Variants in ASH1L observed in about 807,000 individuals in gnomAD.
ASH1L encodes histone-lysine N-methyltransferase ASH1L.
Under a neutral mutation model 269.0 loss-of-function variants are expected in ASH1L, and 23 were observed. The ratio of observed to expected loss-of-function variants is 0.09; its 90% CI spans 0.06 to 0.12. The LOEUF (loss-of-function observed/expected upper bound fraction) is 0.12. Among genes scored for constraint, ASH1L ranks in the 10% least tolerant of loss-of-function variants. The pLI is 1.00. For synonymous variants in ASH1L, 1,187 were observed against 1,253.5 expected (o/e 0.95, Z 1.12); for missense variants, 2,912 against 3,567.8 (o/e 0.82, Z 4.68).
In ASH1L at chr1:155,479,511, G is replaced by A. The variant is rs1164377352; in HGVS notation, c.3359C>T (p.Pro1120Leu). 6.2e-7 allele frequency: 1 copy of A among 1,614,036 alleles called. No individual in the cohort carries two copies. Among genetic ancestry groups the A allele is most frequent in the African/African-American group, 1.3e-5 (1 of 74,920 alleles). ...QSSGTSGGQS[P>L]VSSDAGFVEP... ...AACAAAACCTGCATCACTACTTACA[G>A]GGCTCTGACCTCCACTAGTCCCAGA... Residue 1120 changes from proline (P) to leucine (L), a missense_variant, in exon 3 of 28, where the codon CCT (proline) becomes CTT (leucine). Pro to Leu is a moderately conservative substitution (Grantham distance 98). Around this residue, in one of 13 missense-constraint regions of ASH1L, gnomAD observed 157 missense variants for 154.6 expected, o/e 1.02. Coordinates refer to ENST00000392403, the MANE Select transcript of ASH1L (RefSeq NM_018489.3).
At chr1:155,390,119 T>C (rs922246017) in intron 7 of ASH1L, among the ~76,000 whole-genome samples, 4 of 152,104 alleles carry the variant, frequency 2.6e-5, no homozygotes, top group Admixed American at 2.6e-4. Context: ...AGAATGATAT[T>C]AGGCCAGGTG....
intron 2 of ASH1L, among the ~76,000 whole-genome samples, chr1:155,485,188 G>T (rs1011822545): frequency 2.6e-5 from 4 of 151,582 alleles, no homozygotes; most frequent in African/African-American, 9.7e-5. Flanking sequence ...CCTGGGACGG[G>T]GAGGTTGCAG....
At chr1:155,401,322 C>CA (rs1445801683) in intron 6 of ASH1L, among the ~76,000 whole-genome samples, 2 of 151,296 alleles carry the variant, frequency 1.3e-5, no homozygotes, top group African/African-American at 2.4e-5. Flanking sequence ...ACTAAAAATA[C>CA]AAAAAATTAG....
chr1:155,411,150 C>G (rs1440630442), intron 6 of ASH1L, among the ~76,000 whole-genome samples: 1 of 152,046 alleles, frequency 6.6e-6, no homozygotes, highest in Non-Finnish European at 1.5e-5. Flanking sequence ...ACTTTCCACT[C>G]AATTTTGCTG....
intron 3 of ASH1L, among the ~76,000 whole-genome samples, chr1:155,466,335 C>A (rs1412569437): frequency 1.3e-5 from 2 of 152,074 alleles, no homozygotes; most frequent in East Asian, 3.8e-4. Context: ...GCCTGGGCGA[C>A]AGAGTGAGAC....
intron 5 of ASH1L, among the ~76,000 whole-genome samples, chr1:155,434,431 G>A (rs1006483558): frequency 1.3e-5 from 2 of 150,278 alleles, no homozygotes; most frequent in African/African-American, 4.9e-5. Flanking sequence ...TTGGAGGGAA[G>A]GTGAAGTTCA....
chr1:155,465,391 TA>T (rs151245084), intron 3 of ASH1L, among the ~76,000 whole-genome samples: 1,533 of 151,824 alleles, frequency 0.01, 28 homozygotes, highest in African/African-American at 0.035. Context: ...TTTTATAACT[TA>T]ATATAGTATG....
At chr1:155,365,133 T>A (rs1286663080) in intron 12 of ASH1L, among the ~76,000 whole-genome samples, 2 of 152,108 alleles carry the variant, frequency 1.3e-5, no homozygotes, top group African/African-American at 2.4e-5. Context: ...CACGAAGGGA[T>A]GATACTTAAG....
At chr1:155,444,832 T>A (rs1662881175) in intron 4 of ASH1L, among the ~76,000 whole-genome samples, 1 of 141,424 alleles carries the variant, frequency 7.1e-6, no homozygotes. Context: ...TTAGCCGGGA[T>A]GGTCTCGATC....
At chr1:155,527,063 C>T (rs1669311167) in intron 1 of ASH1L, among the ~76,000 whole-genome samples, 1 of 152,060 alleles carries the variant, frequency 6.6e-6, no homozygotes, top group South Asian at 2.1e-4. Context: ...AAGAAATTAG[C>T]CAGGTGTGGT....
chr1:155,514,267 A>C (rs1668358676), intron 2 of ASH1L, among the ~76,000 whole-genome samples: 1 of 152,218 alleles, frequency 6.6e-6, no homozygotes, highest in Admixed American at 6.5e-5. Context: ...TACACTTACA[A>C]ATGGTTAAAA....
rs186402640 is a variant in ASH1L at position 155,407,549 on chromosome 1, G to A, written c.6008+8195C>T. On this transcript the variant is annotated intron_variant, in intron 6 of 27. Transcript: ENST00000392403. ...CCTTCCTTACTAGACTGGTTAGATA[G>A]ACTATGAAGTATCTATATAATCTAA... 1.9e-3 allele frequency among the ~76,000 whole-genome samples: 284 copies of A among 152,182 alleles called. 2 individuals are homozygous for A. The highest frequency in any genetic ancestry group is 6.5e-3 in the African/African-American group (272 of 41,538).
intron 12 of ASH1L, among the ~76,000 whole-genome samples, chr1:155,365,038 TTTC>T (rs1655285661): frequency 6.6e-6 from 1 of 152,190 alleles, no homozygotes; most frequent in Non-Finnish European, 1.5e-5. Flanking sequence ...CCTTGAATTC[TTTC>T]TTGTGTTCTT....
intron 15 of ASH1L, among the ~76,000 whole-genome samples, chr1:155,355,629 C>T (rs927445544): frequency 1.3e-5 from 2 of 152,114 alleles, no homozygotes; most frequent in African/African-American, 4.8e-5. Flanking sequence ...GTGGCCTGGG[C>T]CTTGGGAGTT....
chr1:155,354,780 A>G (rs1022673785), intron 15 of ASH1L, 150 bp from the exon 16 acceptor site: 2 of 685,580 alleles, frequency 2.9e-6, no homozygotes, highest in Non-Finnish European at 4.6e-6. Flanking sequence ...TCAATTTTGT[A>G]TCTTCAATTT....
intron 19 of ASH1L, 39 bp downstream of exon 19, chr1:155,349,288 A>G (rs1653665798): frequency 6.3e-7 from 1 of 1,590,508 alleles, no homozygotes. Flanking sequence ...TCTTTTCAGA[A>G]CAAACTTGTG....
chr1:155,410,514 G>T (rs1659675107), intron 6 of ASH1L, among the ~76,000 whole-genome samples: 1 of 151,546 alleles, frequency 6.6e-6, no homozygotes, highest in African/African-American at 2.4e-5. Flanking sequence ...ATGTTGGCCT[G>T]ACTGGTCTTG....
chr1:155,473,384 C>CA (rs1490897719), intron 3 of ASH1L, among the ~76,000 whole-genome samples: 6 of 152,296 alleles, frequency 3.9e-5, no homozygotes, highest in Non-Finnish European at 7.4e-5. Flanking sequence ...CTACCAATGA[C>CA]ATCCTTCTGT....
At chr1:155,415,239 T>C (rs1660108007) in intron 6 of ASH1L, among the ~76,000 whole-genome samples, 2 of 151,542 alleles carry the variant, frequency 1.3e-5, no homozygotes, top group South Asian at 4.2e-4. Context: ...CAAAATTAGC[T>C]GGGCGTGGTG....
Sources: gnomAD v4.1 joint callset for allele counts (sites outside exome capture counted in the v4.1 genomes callset) on GRCh38, gnomAD v4.1.1 for gene constraint, gnomAD v4.1.1 regional missense constraint, MANE v1.5 for transcripts, NCBI Gene and HGNC (gene_info 2026-07-23, HGNC 2026-07-21) for gene names.